Variants in NBAS observed in about 807,000 individuals in gnomAD.
NBAS encodes NBAS subunit of NRZ tethering complex.
In NBAS, 219 loss-of-function variants were observed where a neutral mutation model predicts 302.5. The ratio of observed to expected loss-of-function variants is 0.72; its 90% CI spans 0.65 to 0.81. The LOEUF (loss-of-function observed/expected upper bound fraction) is 0.81. Among genes scored for constraint, NBAS ranks in the 30% least tolerant of loss-of-function variants. The pLI is 0.00. For missense variants in NBAS, 2,932 were observed against 2,841.6 expected, an observed-to-expected ratio of 1.03 and a Z score of -0.72; for synonymous variants, 1,118 against 1,021.6, an observed-to-expected ratio of 1.09 and a Z score of -1.80.
chr2:15,487,463 C>T (rs981890756), intron 12 of NBAS, among the ~76,000 whole-genome samples: 1 of 152,164 alleles, frequency 6.6e-6, no homozygotes, highest in African/African-American at 2.4e-5. Context: ...CCTACCCTAT[C>T]CACAGATGTG....
At chr2:15,536,659 G>A in intron 7 of NBAS, 108 bp from the exon 8 acceptor site, 2 of 1,034,796 alleles carry the variant, frequency 1.9e-6, no homozygotes, top group Non-Finnish European at 2.9e-6. Flanking sequence ...TACACTTTAT[G>A]TAAGATAACT....
chr2:15,019,662 C>A, the NBAS span, among the ~76,000 whole-genome samples: 6 of 152,230 alleles, frequency 3.9e-5, no homozygotes, highest in South Asian at 1.0e-3. Context: ...ATGTTAAAAT[C>A]TAACCACCAA....
the NBAS span, among the ~76,000 whole-genome samples, chr2:14,983,481 G>A: frequency 6.6e-6 from 1 of 152,138 alleles, no homozygotes; most frequent in Non-Finnish European, 1.5e-5. Flanking sequence ...GGGCGGCAAG[G>A]AGAATCAAAT....
At chr2:15,057,096 G>T in the NBAS span, among the ~76,000 whole-genome samples, 52 of 152,008 alleles carry the variant, frequency 3.4e-4, no homozygotes, top group African/African-American at 1.1e-3. Flanking sequence ...TCCCAAAGTG[G>T]TGGGATTACA....
Position 15,277,156 on chromosome 2 carries a change from ATT to A in NBAS, c.5139-57_5139-56del, listed in dbSNP as rs3214432. The A allele has an allele frequency of 0.49, 772,276 of 1,560,398 alleles. 197,600 individuals are homozygous for A. The highest frequency in any genetic ancestry group is 0.86 in the African/African-American group (63,430 of 73,870). ...AAGATTTTGTTCCTTTATTAAAGTG[ATT>A]TTTTTTTTAACCAAGGAAGAAACAC... On this transcript the variant is annotated intron_variant, in intron 42 of 51. Coordinates refer to ENST00000281513, the MANE Select transcript of NBAS (RefSeq NM_015909.4).
chr2:15,468,513 G>A lies in NBAS; in HGVS notation c.1746C>T (p.Ser582=), dbSNP rs774055916. The change falls in exon 17 of 52, where the codon TCC becomes TCT. Residue 582 remains serine (S), a synonymous_variant. Coordinates refer to ENST00000281513, the MANE Select transcript of NBAS (RefSeq NM_015909.4). ...QNYLSKIKKR[S]WVLHECLERV... ...TTTCCAAACACTCATGGAGAACCCA[G>A]GATCGCTTCTTTATTTTACTCTGCA... The A allele has an allele frequency of 6.2e-6, 10 of 1,613,976 alleles. 1 individual carries two copies. The South Asian group carries it at 1.1e-4, about 18-fold the overall frequency.
At chr2:14,789,647 T>C in the NBAS span, among the ~76,000 whole-genome samples, 1 of 152,196 alleles carries the variant, frequency 6.6e-6, no homozygotes, top group African/African-American at 2.4e-5. Flanking sequence ...ACAGACATCT[T>C]ACAGTGAAAA....
At chr2:15,518,263 T>C (rs1055730676) in intron 9 of NBAS, among the ~76,000 whole-genome samples, 4 of 152,202 alleles carry the variant, frequency 2.6e-5, no homozygotes, top group African/African-American at 9.6e-5. Context: ...TTAATGATTA[T>C]ATCTTAAGTA....
chr2:15,025,112 T>C, the NBAS span, among the ~76,000 whole-genome samples: 1 of 152,218 alleles, frequency 6.6e-6, no homozygotes, highest in Non-Finnish European at 1.5e-5. Flanking sequence ...CATTTAGGTA[T>C]ATTTAATCCA....
the NBAS span, among the ~76,000 whole-genome samples, chr2:14,809,021 G>C: frequency 6.6e-6 from 1 of 152,192 alleles, no homozygotes; most frequent in African/African-American, 2.4e-5. Flanking sequence ...AGAAGATGTA[G>C]AGTATCTAGC....
the NBAS span, among the ~76,000 whole-genome samples, chr2:14,986,090 T>C: frequency 2.0e-5 from 3 of 152,320 alleles, no homozygotes; most frequent in African/African-American, 7.2e-5. Flanking sequence ...TGGATGTTAA[T>C]CATTTTATTA....
the NBAS span, among the ~76,000 whole-genome samples, chr2:15,158,400 G>A: frequency 6.6e-6 from 1 of 152,194 alleles, no homozygotes; most frequent in Admixed American, 6.5e-5. Context: ...AGACACAAAG[G>A]CCCCTGCCTG....
chr2:15,186,487 G>A (rs187983089), intron 50 of NBAS, among the ~76,000 whole-genome samples: 17 of 152,142 alleles, frequency 1.1e-4, no homozygotes, highest in African/African-American at 3.9e-4. Context: ...ACAAAAAAGG[G>A]CATCCAGAAG....
chr2:15,481,661 G>C (rs1680431820), intron 12 of NBAS, among the ~76,000 whole-genome samples: 1 of 151,994 alleles, frequency 6.6e-6, no homozygotes, highest in Non-Finnish European at 1.5e-5. Flanking sequence ...CCACTTCTCT[G>C]TATTTGCTGG....
the NBAS span, among the ~76,000 whole-genome samples, chr2:15,043,782 G>T: frequency 1.3e-5 from 2 of 152,180 alleles, no homozygotes; most frequent in East Asian, 1.9e-4. Context: ...GAACCAGTGG[G>T]CCTCTACCAG....
intron 35 of NBAS, among the ~76,000 whole-genome samples, chr2:15,345,201 A>C (rs1673034457): frequency 6.6e-6 from 1 of 152,190 alleles, no homozygotes; most frequent in African/African-American, 2.4e-5. Context: ...TCAAATAGGA[A>C]GACAGGAAGT....
At chr2:15,331,560 T>TG (rs1182158361) in intron 35 of NBAS, among the ~76,000 whole-genome samples, 3 of 152,206 alleles carry the variant, frequency 2.0e-5, no homozygotes, top group Non-Finnish European at 4.4e-5. Context: ...TCAATACCAA[T>TG]AGCTTGTTGT....
chr2:15,143,238 C>T, the NBAS span, among the ~76,000 whole-genome samples: 3 of 152,152 alleles, frequency 2.0e-5, no homozygotes, highest in Admixed American at 6.5e-5. Context: ...AAATCGATTA[C>T]GATCCTTCTT....
the NBAS span, among the ~76,000 whole-genome samples, chr2:14,795,669 T>C: frequency 6.6e-6 from 1 of 152,202 alleles, no homozygotes; most frequent in Non-Finnish European, 1.5e-5. Context: ...TTGGCACTAT[T>C]AATATTTTGG....
Sources: allele counts gnomAD v4.1 joint callset (sites outside exome capture counted in the v4.1 genomes callset), GRCh38; gene constraint gnomAD v4.1.1; transcripts MANE v1.5; gene names NCBI Gene and HGNC (gene_info 2026-07-23, HGNC 2026-07-21).